Variants in PEMT observed in about 807,000 individuals in gnomAD.
PEMT encodes phospholipid methyltransferase.
A neutral mutation model predicts 27.4 loss-of-function variants in PEMT; 23 were observed. The observed-to-expected ratio is 0.84, with a 90% CI of 0.60 to 1.19. PEMT has a LOEUF of 1.19. PEMT is among the 50% of genes most tolerant of loss of function. The pLI is 0.00. For synonymous variants in PEMT, 137 were observed against 139.1 expected (o/e 0.98, Z 0.11); for missense variants, 307 against 310.1 (o/e 0.99, Z 0.07).
intron 2 of PEMT, among the ~76,000 whole-genome samples, chr17:17,543,506 C>T (rs893719312): frequency 6.6e-6 from 1 of 152,134 alleles, no homozygotes; most frequent in East Asian, 1.9e-4. Flanking sequence ...TGAAGCACAG[C>T]TGCAGTGACT....
chr17:17,582,140 G>T lies in PEMT; in HGVS notation c.97-5113C>A. 1 of 445,428 alleles carries T rather than the reference G, an allele frequency of 2.2e-6. No individual in the cohort carries two copies. Among genetic ancestry groups the T allele is most frequent in the Non-Finnish European group, 3.0e-6 (1 of 336,494 alleles). The allele number at this position is 445,428 out of a possible 1,614,324, so 27.6% of individuals were successfully genotyped here. On this transcript the variant is annotated intron_variant, in intron 1 of 6. Transcript: ENST00000255389. This position sits in a 1 kb window ranked among gnomAD's most constrained non-coding sequence, Gnocchi z 4.9. ...AAGGGCGGTCTCCCATCCACTCCCA[G>T]CCCCAACCTCCTTCATACAACAGAG...
intron 2 of PEMT, among the ~76,000 whole-genome samples, chr17:17,528,297 G>A (rs1375826070): frequency 1.3e-5 from 2 of 152,082 alleles, no homozygotes; most frequent in African/African-American, 2.4e-5. Flanking sequence ...CCCAGGAGCC[G>A]CAGCCAGTGC....
intron 1 of PEMT, among the ~76,000 whole-genome samples, chr17:17,583,262 G>A (rs542802249): frequency 6.6e-6 from 1 of 151,864 alleles, no homozygotes; most frequent in African/African-American, 2.4e-5. Context: ...TGTAATCCCA[G>A]CTACTGGAGA....
rs557841558 is a variant in PEMT, at chr17:17,580,999, G to A, written c.97-3972C>T. ...AGTGTGAGTCACAGAGCAGAGCCCC[G>A]CTCAGCTAGGGGAAAGGGGAAAGCA... On this transcript the variant is annotated intron_variant, in intron 1 of 6. Coordinates refer to ENST00000255389, the MANE Select transcript of PEMT (RefSeq NM_148172.3). 4.6e-5 allele frequency among the ~76,000 whole-genome samples: 7 copies of A among 152,244 alleles called. No individual in the cohort carries two copies. In the South Asian group the frequency reaches 8.3e-4, roughly 18 times the overall value.
intron 1 of PEMT, among the ~76,000 whole-genome samples, chr17:17,581,145 TC>T (rs1488450569): frequency 6.6e-6 from 1 of 152,156 alleles, no homozygotes; most frequent in Non-Finnish European, 1.5e-5. Flanking sequence ...GAGAGGTGCA[TC>T]TTCCTGAGTG....
intron 2 of PEMT, among the ~76,000 whole-genome samples, chr17:17,526,355 C>G (rs1907662995): frequency 6.6e-6 from 1 of 152,214 alleles, no homozygotes; most frequent in African/African-American, 2.4e-5. Flanking sequence ...CAAAAGCCGA[C>G]AGCACTTCAT....
chr17:17,507,547 CAA>C, intron 5 of PEMT: 1 of 297,906 alleles, frequency 3.4e-6, no homozygotes, highest in Non-Finnish European at 6.3e-6. Context: ...CCAGGCCTGG[CAA>C]CCAGCAGCGA....
chr17:17,540,772 C>T (rs1011817401), intron 2 of PEMT, among the ~76,000 whole-genome samples: 2 of 152,204 alleles, frequency 1.3e-5, no homozygotes, highest in African/African-American at 4.8e-5. Context: ...CAGTGACCCC[C>T]TCGCTCCCCC....
intron 2 of PEMT, among the ~76,000 whole-genome samples, chr17:17,554,547 G>A (rs188723813): frequency 5.3e-5 from 8 of 152,360 alleles, no homozygotes; most frequent in African/African-American, 9.6e-5. Flanking sequence ...CAACGGAGCC[G>A]CTTCCCTGCA....
At chr17:17,591,387 C>T in intron 1 of PEMT, 144 bp downstream of exon 1, 1 of 697,776 alleles carries the variant, frequency 1.4e-6, no homozygotes, top group Non-Finnish European at 2.4e-6. Flanking sequence ...GCACGCGGCT[C>T]CCCCACCCCC....
chr17:17,514,881 A>C (rs1299758810), intron 3 of PEMT, among the ~76,000 whole-genome samples: 1 of 152,158 alleles, frequency 6.6e-6, no homozygotes, highest in African/African-American at 2.4e-5. Context: ...CAGAAAACAG[A>C]CAGGGGTTGG....
At position 17,513,713 on chromosome 17, in the gene PEMT, G is replaced by A. The variant is rs1382787070; in HGVS notation, c.321-1059C>T. 6.6e-6 allele frequency among the ~76,000 whole-genome samples: 1 copy of A among 152,190 alleles called. No homozygotes were observed. The highest frequency in any genetic ancestry group is 2.4e-5 in the African/African-American group (1 of 41,450). ...GAGGGGCTGGTGCAGGGAGGGCACA[G>A]GGGCTAGGCATGTGCTGATGTACCC... On this transcript the variant is annotated intron_variant, in intron 3 of 6. Coordinates refer to ENST00000255389, the MANE Select transcript of PEMT (RefSeq NM_148172.3). This position sits in a 1 kb window ranked among gnomAD's most constrained non-coding sequence, Gnocchi z 4.1.
intron 5 of PEMT, chr17:17,507,097 C>T: frequency 6.8e-7 from 1 of 1,461,222 alleles, no homozygotes; most frequent in South Asian, 1.2e-5. Flanking sequence ...ACCAAGGAGC[C>T]CGGGCGCAGC....
intron 1 of PEMT, among the ~76,000 whole-genome samples, chr17:17,581,078 C>G (rs1911947242): frequency 1.3e-5 from 2 of 152,152 alleles, no homozygotes; most frequent in Non-Finnish European, 2.9e-5. Context: ...AGGGCATTTT[C>G]CAGGGCCAGG....
At chr17:17,565,543 G>A (rs1910773467) in intron 2 of PEMT, among the ~76,000 whole-genome samples, 1 of 152,246 alleles carries the variant, frequency 6.6e-6, no homozygotes, top group African/African-American at 2.4e-5. Flanking sequence ...CAGGAAATGG[G>A]GAGGGCGGGG....
chr17:17,528,177 T>C (rs575757438), intron 2 of PEMT, among the ~76,000 whole-genome samples: 1 of 152,324 alleles, frequency 6.6e-6, no homozygotes, highest in Admixed American at 6.5e-5. Flanking sequence ...GAGGGGCTCA[T>C]GAGCTCCAAG....
At chr17:17,577,124 G>C (rs1911653494) in intron 1 of PEMT, 97 bp from the exon 2 acceptor site, 12 of 851,760 alleles carry the variant, frequency 1.4e-5, no homozygotes, top group Non-Finnish European at 2.3e-5. Flanking sequence ...GAACACACTG[G>C]GAGGCCTGGG....
At chr17:17,569,108 G>C (rs1320814883) in intron 2 of PEMT, among the ~76,000 whole-genome samples, 1 of 152,222 alleles carries the variant, frequency 6.6e-6, no homozygotes, top group East Asian at 1.9e-4. Context: ...TTGGGTTCCA[G>C]GGAAAGAGAC....
rs769865201 is a variant in PEMT, at chr17:17,506,304, G to A, written c.579-3C>T. The A allele has an allele frequency of 1.3e-6, 2 of 1,570,194 alleles. No individual in the cohort carries two copies. The highest frequency in any genetic ancestry group is 1.2e-5 in the South Asian group (1 of 85,548). On this transcript the variant is annotated splice_region_variant and splice_polypyrimidine_tract_variant and intron_variant, in intron 5 of 6. Coordinates refer to ENST00000255389, the MANE Select transcript of PEMT (RefSeq NM_148172.3). ...GCAGGCCCGTGGGGCTGGCGTGCCTGAAAGGACAGAGGCAGGTCAGGCCTG... is the reference window on the plus strand; with the variant it reads ...GCAGGCCCGTGGGGCTGGCGTGCCTAAAAGGACAGAGGCAGGTCAGGCCTG...
Sources: allele counts gnomAD v4.1 joint callset (sites outside exome capture counted in the v4.1 genomes callset), GRCh38; gene constraint gnomAD v4.1.1; non-coding constraint Gnocchi (gnomAD v3.1); transcripts MANE v1.5; gene names NCBI Gene and HGNC (gene_info 2026-07-23, HGNC 2026-07-21).